The following MEGF10 variants were observed in gnomAD, a reference collection of about 807,000 sequenced individuals.
MEGF10 encodes the protein multiple epidermal growth factor-like domains protein 10.
In MEGF10, 86 loss-of-function variants were observed where a neutral mutation model predicts 147.5. That is an observed-to-expected ratio of 0.58 (90% CI 0.49 to 0.70). The LOEUF is 0.70. Ranked by LOEUF, MEGF10 falls within the 30% of genes least tolerant of loss-of-function variation. The pLI, the probability that MEGF10 is intolerant of heterozygous loss-of-function variation, is 0.00. For missense variants in MEGF10, 1,329 were observed against 1,487.3 expected, an observed-to-expected ratio of 0.89 and a Z score of 1.75; for synonymous variants, 478 against 525.5, an observed-to-expected ratio of 0.91 and a Z score of 1.24.
At chr5:127,329,896 C>A (rs1342093480) in intron 1 of MEGF10, among the ~76,000 whole-genome samples, 2 of 152,104 alleles carry the variant, frequency 1.3e-5, no homozygotes, top group Non-Finnish European at 2.9e-5. Flanking sequence ...AGGTGCAAAC[C>A]ATTACAGGTG....
the MEGF10 span, among the ~76,000 whole-genome samples, chr5:127,246,650 A>G: frequency 5.3e-5 from 8 of 151,236 alleles, no homozygotes; most frequent in Middle Eastern, 3.5e-3. Flanking sequence ...AAGTCTAAAG[A>G]GTAGTTTGTA....
Position 127,380,014 on chromosome 5 carries a change from CTTT to C in MEGF10, c.412+10015_412+10017del, listed in dbSNP as rs143947650. On this transcript the variant is annotated intron_variant, in intron 5 of 24. Transcript: ENST00000503335. ...ACCCTATTACTCTGTATCATATCTC[CTTT>C]TTAACGTTTTTAAATAGGAACTTTC... is the stretch of plus-strand genomic sequence containing the variant. Among the ~76,000 whole-genome samples, 1,123 of 151,880 alleles carry C rather than the reference CTTT, an allele frequency of 7.4e-3. 13 individuals are homozygous for C. The highest frequency in any genetic ancestry group is 0.026 in the African/African-American group (1,078 of 41,386).
chr5:127,263,142 C>G, the MEGF10 span, among the ~76,000 whole-genome samples: 3 of 152,136 alleles, frequency 2.0e-5, no homozygotes, highest in African/African-American at 7.2e-5. Flanking sequence ...CTATGGTAAG[C>G]TTTTAAAAGA....
rs371253035 is a variant in MEGF10 at position 127,340,650 on chromosome 5, C to G, written c.319+20C>G. 8.8e-6 allele frequency: 14 copies of G among 1,597,964 alleles called. No homozygotes were observed. The highest frequency in any genetic ancestry group is 1.2e-5 in the Non-Finnish European group (14 of 1,166,206). On this transcript the variant is annotated intron_variant, in intron 4 of 24. Coordinates refer to ENST00000503335, the MANE Select transcript of MEGF10 (RefSeq NM_001256545.2). ...GTGTCCGTAAGTAAGACTGTCACCC[C>G]TTTGAGATTCGCTAGTTTTTCCCAG...
chr5:127,350,453 C>T (rs55900385), intron 4 of MEGF10, among the ~76,000 whole-genome samples: 5,776 of 152,138 alleles, frequency 0.038, 354 homozygotes, highest in African/African-American at 0.13. Context: ...TCTTTTCTCC[C>T]TGCCCCTTCC....
At chr5:127,411,048 G>A (rs930800471) in intron 9 of MEGF10, among the ~76,000 whole-genome samples, 7 of 152,174 alleles carry the variant, frequency 4.6e-5, no homozygotes, top group African/African-American at 1.7e-4. Flanking sequence ...AAAGGCTAGA[G>A]AGAGGAAGTG....
intron 1 of MEGF10, among the ~76,000 whole-genome samples, chr5:127,321,999 A>AT (rs1370553299): frequency 6.8e-6 from 1 of 147,604 alleles, no homozygotes; most frequent in Non-Finnish European, 1.5e-5. Context: ...TTATGATTGG[A>AT]TTTTTTCCCC....
At chr5:127,412,850 G>T (rs1468495190) in intron 9 of MEGF10, among the ~76,000 whole-genome samples, 1 of 152,150 alleles carries the variant, frequency 6.6e-6, no homozygotes, top group Admixed American at 6.5e-5. Context: ...AGGCTAATTG[G>T]TCCTGGATAT....
At chr5:127,445,913 G>A (rs1363760405) in intron 20 of MEGF10, among the ~76,000 whole-genome samples, 1 of 152,152 alleles carries the variant, frequency 6.6e-6, no homozygotes, top group Admixed American at 6.6e-5. Context: ...TTAAAATTGA[G>A]CTCATTGTGT....
intron 5 of MEGF10, among the ~76,000 whole-genome samples, chr5:127,379,570 C>T (rs1479315029): frequency 6.6e-6 from 1 of 151,544 alleles, no homozygotes; most frequent in Admixed American, 6.6e-5. Flanking sequence ...TACTCATCTC[C>T]CTGGTTCTTT....
chr5:127,278,731 T>C, the MEGF10 span, among the ~76,000 whole-genome samples: 1 of 152,226 alleles, frequency 6.6e-6, no homozygotes, highest in East Asian at 1.9e-4. Flanking sequence ...GTTGCAGAAG[T>C]TTGTGGAGAT....
chr5:127,370,254 G>A (rs1762802763), intron 5 of MEGF10, among the ~76,000 whole-genome samples: 2 of 152,214 alleles, frequency 1.3e-5, no homozygotes. Context: ...TCATACTTCT[G>A]TGGATATGAA....
At chr5:127,375,511 G>A (rs1213960507) in intron 5 of MEGF10, among the ~76,000 whole-genome samples, 1 of 152,178 alleles carries the variant, frequency 6.6e-6, no homozygotes, top group East Asian at 1.9e-4. Flanking sequence ...TTTTAAATTT[G>A]ATTAAATTAT....
intron 8 of MEGF10, among the ~76,000 whole-genome samples, chr5:127,403,393 G>A (rs6877254): frequency 0.47 from 71,655 of 151,946 alleles, 19,155 homozygotes; most frequent in Middle Eastern, 0.65. Flanking sequence ...CACATTATGC[G>A]GAATGGGGTA....
chr5:127,314,530 A>C (rs890405008), intron 1 of MEGF10, among the ~76,000 whole-genome samples: 7 of 152,174 alleles, frequency 4.6e-5, no homozygotes, highest in African/African-American at 1.7e-4. Flanking sequence ...AAGACTAGAG[A>C]ATTTTTACTT....
At chr5:127,436,911 A>G (rs1765568212) in intron 16 of MEGF10, among the ~76,000 whole-genome samples, 1 of 152,236 alleles carries the variant, frequency 6.6e-6, no homozygotes, top group Non-Finnish European at 1.5e-5. Flanking sequence ...AGACTTTGAA[A>G]ACTTAAAGGG....
Position 127,367,769 on chromosome 5 carries a change from G to T in MEGF10, c.320-2141G>T, listed in dbSNP as rs374097456. ...AGAATTGGTAAACTTGGGTCTGAAG[G>T]CTATTCACTGTAATAGCTGCAAACA... On this transcript the variant is annotated intron_variant, in intron 4 of 24. Coordinates refer to ENST00000503335, the MANE Select transcript of MEGF10 (RefSeq NM_001256545.2). Among the ~76,000 whole-genome samples, 263 of 152,248 alleles carry T rather than the reference G, an allele frequency of 1.7e-3. 8 individuals carry two copies. In the South Asian group the frequency reaches 0.052, roughly 30 times the overall value.
chr5:127,426,393 G>T (rs1765211555), intron 13 of MEGF10, among the ~76,000 whole-genome samples: 1 of 152,126 alleles, frequency 6.6e-6, no homozygotes, highest in Non-Finnish European at 1.5e-5. Context: ...TCCAAAAAAA[G>T]TACCATTTTA....
chr5:127,308,340 A>G lies in MEGF10; in HGVS notation c.-19+17284A>G, dbSNP rs568214853. Reference sequence around the variant, plus strand: ...TAGAACTTTTCTGAGAACGTAAGGAACACAAACAGGTCCAGATCCCTAAGA... The same window carrying G: ...TAGAACTTTTCTGAGAACGTAAGGAGCACAAACAGGTCCAGATCCCTAAGA... On this transcript the variant is annotated intron_variant, in intron 1 of 24. Transcript: ENST00000503335. Among the ~76,000 whole-genome samples, 9 of 152,338 alleles carry G rather than the reference A, an allele frequency of 5.9e-5. No individual in the cohort carries two copies. The East Asian group carries it at 1.7e-3, about 29-fold the overall frequency.
Sources: allele counts gnomAD v4.1 joint callset (sites outside exome capture counted in the v4.1 genomes callset), GRCh38; gene constraint gnomAD v4.1.1; transcripts MANE v1.5; gene names NCBI Gene and HGNC (gene_info 2026-07-23, HGNC 2026-07-21).